Variants in CACNA1D observed in about 807,000 individuals in gnomAD.
CACNA1D encodes voltage-dependent L-type calcium channel subunit alpha-1D.
In CACNA1D, 55 loss-of-function variants were observed where a neutral mutation model predicts 257.1. That is an observed-to-expected ratio of 0.21 (90% CI 0.17 to 0.27). The LOEUF (loss-of-function observed/expected upper bound fraction) is 0.27, where lower values mean the gene tolerates loss of function less well. Among genes scored for constraint, CACNA1D ranks in the 10% least tolerant of loss-of-function variants. CACNA1D has a pLI of 1.00. For missense variants in CACNA1D, 1,876 were observed against 2,784.0 expected, an observed-to-expected ratio of 0.67 and a Z score of 7.34; for synonymous variants, 980 against 1,014.9, an observed-to-expected ratio of 0.97 and a Z score of 0.65.
chr3:53,583,692 G>T (rs909903820), intron 3 of CACNA1D, among the ~76,000 whole-genome samples: 1 of 152,200 alleles, frequency 6.6e-6, no homozygotes, highest in African/African-American at 2.4e-5. Context: ...CCAGATGGAC[G>T]TGAGGTGCCC....
chr3:53,526,248 C>G (rs1028151965), intron 3 of CACNA1D, among the ~76,000 whole-genome samples: 1 of 152,198 alleles, frequency 6.6e-6, no homozygotes, highest in Non-Finnish European at 1.5e-5. Flanking sequence ...CCAACTCTAC[C>G]CTAAGTTCCT....
At chr3:53,701,531 A>C (rs2094626036) in intron 8 of CACNA1D, among the ~76,000 whole-genome samples, 1 of 152,198 alleles carries the variant, frequency 6.6e-6, no homozygotes, top group South Asian at 2.1e-4. Context: ...TGAAAGAGAC[A>C]TGCTGGCTTT....
At chr3:53,716,532 T>C (rs1275757260) in intron 9 of CACNA1D, among the ~76,000 whole-genome samples, 1 of 152,180 alleles carries the variant, frequency 6.6e-6, no homozygotes, top group African/African-American at 2.4e-5. Context: ...GAGTTTTTTT[T>C]TTTAAGGTTT....
intron 16 of CACNA1D, among the ~76,000 whole-genome samples, 169 bp downstream of exon 16, chr3:53,730,725 G>A (rs906865862): frequency 1.3e-5 from 2 of 152,242 alleles, no homozygotes; most frequent in East Asian, 1.9e-4. Flanking sequence ...TGGAATCTTG[G>A]GCAGAAGCCA....
chr3:53,739,137 T>A (rs1282571262), intron 20 of CACNA1D, among the ~76,000 whole-genome samples: 2 of 152,170 alleles, frequency 1.3e-5, no homozygotes, highest in African/African-American at 4.8e-5. Context: ...CTCCTCTACC[T>A]ACAACAGCTC....
chr3:53,790,897 T>C, intron 40 of CACNA1D: 1 of 686,780 alleles, frequency 1.5e-6, no homozygotes, highest in South Asian at 1.6e-5. Flanking sequence ...CAAAAGCCTC[T>C]TTTTAAATTT....
chr3:53,593,082 T>G (rs1477803976), intron 3 of CACNA1D, among the ~76,000 whole-genome samples: 3 of 152,186 alleles, frequency 2.0e-5, no homozygotes, highest in African/African-American at 7.2e-5. Flanking sequence ...TCACGCCTTT[T>G]TCACGGTCTG....
intron 11 of CACNA1D, among the ~76,000 whole-genome samples, chr3:53,721,810 A>G (rs1326502689): frequency 6.6e-6 from 1 of 152,110 alleles, no homozygotes; most frequent in Non-Finnish European, 1.5e-5. Flanking sequence ...TTCCCTTTAA[A>G]AAAAAAAAAA....
chr3:53,776,757 G>A lies in CACNA1D; in HGVS notation c.4490+27G>A, dbSNP rs377607551. On this transcript the variant is annotated intron_variant, in intron 36 of 47. Coordinates refer to ENST00000350061, the MANE Select transcript of CACNA1D (RefSeq NM_001128840.3). ...TAGGTTGAAAAATATTTGATTTGGC[G>A]TGTGTGGGTGGATTTTGGAATGTCA... is the stretch of plus-strand genomic sequence containing the variant. 1.1e-4 allele frequency: 179 copies of A among 1,614,200 alleles called. 1 individual carries two copies. The highest frequency in any genetic ancestry group is 1.1e-3 in the African/African-American group (83 of 75,048).
At chr3:53,767,126 C>A (rs1404339855) in intron 30 of CACNA1D, among the ~76,000 whole-genome samples, 1 of 152,168 alleles carries the variant, frequency 6.6e-6, no homozygotes, top group Non-Finnish European at 1.5e-5. Flanking sequence ...TTTCTAGTGA[C>A]CCCACTCTGT....
At chr3:53,721,601 C>T (rs1312000897) in intron 11 of CACNA1D, among the ~76,000 whole-genome samples, 1 of 152,194 alleles carries the variant, frequency 6.6e-6, no homozygotes, top group East Asian at 1.9e-4. Flanking sequence ...GGACATGCTA[C>T]TTGTCTGTTT....
chr3:53,758,392 C>T (rs1050889893), intron 29 of CACNA1D, among the ~76,000 whole-genome samples: 2 of 152,182 alleles, frequency 1.3e-5, no homozygotes, highest in African/African-American at 4.8e-5. Context: ...ATCCAGGCAG[C>T]AAAAGGAATC....
Position 53,495,249 on chromosome 3 carries a change from C to T in CACNA1D, c.67+16C>T, listed in dbSNP as rs1310164307. 6.2e-7 allele frequency: 1 copy of T among 1,613,406 alleles called. No individual in the cohort carries two copies. Among genetic ancestry groups the T allele is most frequent in the Middle Eastern group, 1.7e-4 (1 of 5,740 alleles). ...CACGCGAACGGTGAGCAGCCAGAGC[C>T]CGGGCACCCGCTGCCAAATCCGATC... On this transcript the variant is annotated intron_variant, in intron 1 of 47. Transcript: ENST00000350061. This position sits in a 1 kb window ranked among gnomAD's most constrained non-coding sequence, Gnocchi z 5.1.
intron 3 of CACNA1D, among the ~76,000 whole-genome samples, chr3:53,525,029 C>T (rs2091711636): frequency 6.6e-6 from 1 of 152,138 alleles, no homozygotes; most frequent in African/African-American, 2.4e-5. Context: ...CAGCCTCCTC[C>T]CTCACTCTCT....
At chr3:53,735,526 G>C in intron 20 of CACNA1D, 23 bp downstream of exon 20, 1 of 1,613,044 alleles carries the variant, frequency 6.2e-7, no homozygotes, top group Non-Finnish European at 8.5e-7. Context: ...GGTGGGGCTC[G>C]CTCTGGGATA....
chr3:53,622,807 T>C (rs1349166232), intron 3 of CACNA1D, among the ~76,000 whole-genome samples: 4 of 152,020 alleles, frequency 2.6e-5, no homozygotes, highest in Non-Finnish European at 4.4e-5. Flanking sequence ...AATTATGATA[T>C]ATTCATACAA....
At chr3:53,535,767 C>A (rs1368261960) in intron 3 of CACNA1D, among the ~76,000 whole-genome samples, 3 of 152,198 alleles carry the variant, frequency 2.0e-5, no homozygotes, top group Non-Finnish European at 4.4e-5. Flanking sequence ...CCACAAATTT[C>A]TATTCCTTTT....
At chr3:53,617,425 C>T (rs985508743) in intron 3 of CACNA1D, among the ~76,000 whole-genome samples, 4 of 152,298 alleles carry the variant, frequency 2.6e-5, no homozygotes, top group East Asian at 1.9e-4. Context: ...TTCTAAGCCT[C>T]AGTTTCCTCA....
intron 3 of CACNA1D, among the ~76,000 whole-genome samples, chr3:53,558,432 TA>T (rs1187262738): frequency 1.3e-5 from 2 of 152,224 alleles, no homozygotes; most frequent in Non-Finnish European, 2.9e-5. Context: ...TCTCTTCAGT[TA>T]TTATAGGCCT....
Sources: allele counts gnomAD v4.1 joint callset (sites outside exome capture counted in the v4.1 genomes callset), GRCh38; gene constraint gnomAD v4.1.1; non-coding constraint Gnocchi (gnomAD v3.1); transcripts MANE v1.5; gene names NCBI Gene and HGNC (gene_info 2026-07-23, HGNC 2026-07-21).